CELF2: variants seen among roughly 807,000 people sequenced by gnomAD.
CELF2 encodes CUGBP Elav-like family member 2.
CELF2 carries 8 observed loss-of-function variants against 62.6 expected under a neutral mutation model. The ratio of observed to expected loss-of-function variants is 0.13; its 90% CI spans 0.07 to 0.23. The LOEUF (loss-of-function observed/expected upper bound fraction) is 0.23, where lower values mean the gene tolerates loss of function less well. CELF2 is among the 10% of genes least tolerant of loss of function. CELF2 has a pLI of 1.00. For missense variants in CELF2, 333 were observed against 671.0 expected, an observed-to-expected ratio of 0.50 and a Z score of 5.56; for synonymous variants, 258 against 250.0, an observed-to-expected ratio of 1.03 and a Z score of -0.30.
intron 1 of CELF2, among the ~76,000 whole-genome samples, chr10:11,038,383 T>G (rs539567221): frequency 6.6e-6 from 1 of 152,310 alleles, no homozygotes; most frequent in African/African-American, 2.4e-5. Context: ...ATCACCAAGT[T>G]GTACTGGTAG....
intron 4 of CELF2, among the ~76,000 whole-genome samples, chr10:11,254,092 AAAGTT>A: frequency 6.6e-6 from 1 of 152,260 alleles, no homozygotes; most frequent in Non-Finnish European, 1.5e-5. Context: ...AGTTGATAAA[AAAGTT>A]AAGTGAACTC....
rs1256928513 is a variant in CELF2, at chr10:10,993,190, T to G, written c.89+73191T>G. Among the ~76,000 whole-genome samples the G allele has an allele frequency of 1.3e-5, 2 of 152,104 alleles. No individual in the cohort carries two copies. The highest frequency in any genetic ancestry group is 2.9e-5 in the Non-Finnish European group (2 of 68,006). ...AGCTACAAAATAACTGTTGCTTCCC[T>G]TCTGTCCTTCAGATCTCCCAAGAAT... On this transcript the variant is annotated intron_variant, in intron 2 of 13. Transcript: ENST00000636488. This position sits in a 1 kb window ranked among gnomAD's most constrained non-coding sequence, Gnocchi z 5.3.
At chr10:10,984,772 T>A (rs986499964) in intron 2 of CELF2, among the ~76,000 whole-genome samples, 1 of 152,176 alleles carries the variant, frequency 6.6e-6, no homozygotes, top group Non-Finnish European at 1.5e-5. Context: ...TTTAAAATAT[T>A]ATTTTAATAT....
chr10:11,303,589 G>A lies in CELF2; in HGVS notation c.977-10550G>A, dbSNP rs76940974. On this transcript the variant is annotated intron_variant, in intron 9 of 12. Coordinates refer to ENST00000633077, the MANE Select transcript of CELF2 (RefSeq NM_001326342.2). Reference sequence around the variant, plus strand: ...CCTTCTTGGATTGCCACGCCCATCCGCAGAGGCAGTGTGTGTTACTCCCGT... The same window carrying A: ...CCTTCTTGGATTGCCACGCCCATCCACAGAGGCAGTGTGTGTTACTCCCGT... Among the ~76,000 whole-genome samples the A allele has an allele frequency of 5.8e-4, 88 of 152,292 alleles. No homozygotes were observed. The East Asian group carries it at 5.8e-3, about 10-fold the overall frequency.
the CELF2 span, among the ~76,000 whole-genome samples, chr10:10,680,144 CGTAT>C: frequency 0.27 from 41,401 of 150,600 alleles, 6,107 homozygotes; most frequent in South Asian, 0.5. Context: ...TATGTATGTA[CGTAT>C]GTATGTATGT....
At chr10:10,619,225 T>C in the CELF2 span, among the ~76,000 whole-genome samples, 1 of 152,216 alleles carries the variant, frequency 6.6e-6, no homozygotes, top group Non-Finnish European at 1.5e-5. Context: ...AAATGATTTG[T>C]GGGCTGCTTT....
At chr10:10,992,636 G>A (rs921764215) in intron 2 of CELF2, among the ~76,000 whole-genome samples, 2 of 152,216 alleles carry the variant, frequency 1.3e-5, no homozygotes, top group Non-Finnish European at 2.9e-5. Flanking sequence ...TATTTCAGAA[G>A]AGGGTGTATT....
chr10:10,978,041 GT>G (rs71511370), intron 2 of CELF2, among the ~76,000 whole-genome samples: 10 of 144,046 alleles, frequency 6.9e-5, no homozygotes, highest in East Asian at 4.0e-4. Flanking sequence ...TTTGTTTTTT[GT>G]TTTTTTTTTT....
Position 11,247,049 on chromosome 10 carries a change from G to T in CELF2, c.355-2104G>T, listed in dbSNP as rs1266450571. ...CCCACAACCAGCCAGTCGCCATGAAGTTCAGCCTCCACCAGTGTTCCCTGG... is the reference window on the plus strand; with the variant it reads ...CCCACAACCAGCCAGTCGCCATGAATTTCAGCCTCCACCAGTGTTCCCTGG... On this transcript the variant is annotated intron_variant, in intron 3 of 12. Transcript: ENST00000633077. This position sits in a 1 kb window ranked among gnomAD's most constrained non-coding sequence, Gnocchi z 5.4. Among the ~76,000 whole-genome samples, 1 of 152,170 alleles carries T rather than the reference G, an allele frequency of 6.6e-6. No homozygotes were observed. The highest frequency in any genetic ancestry group is 1.5e-5 in the Non-Finnish European group (1 of 68,016).
chr10:10,976,318 G>A (rs938860877), intron 2 of CELF2, among the ~76,000 whole-genome samples: 7 of 152,224 alleles, frequency 4.6e-5, no homozygotes, highest in Non-Finnish European at 1.0e-4. Flanking sequence ...AAGTTACACA[G>A]TGGGTGATTT....
intron 2 of CELF2, among the ~76,000 whole-genome samples, chr10:10,945,530 G>A (rs964133619): frequency 3.9e-5 from 6 of 152,184 alleles, no homozygotes; most frequent in African/African-American, 7.2e-5. Flanking sequence ...GAGACAAGCC[G>A]AGAACTACCT....
At chr10:11,118,751 T>G (rs1228885452) in intron 1 of CELF2, among the ~76,000 whole-genome samples, 1 of 152,160 alleles carries the variant, frequency 6.6e-6, no homozygotes, top group Admixed American at 6.5e-5. Context: ...TGTACAAGGA[T>G]GAGAAAATCA....
At chr10:11,021,059 T>G (rs1234356062) in intron 1 of CELF2, among the ~76,000 whole-genome samples, 2 of 152,226 alleles carry the variant, frequency 1.3e-5, no homozygotes, top group African/African-American at 4.8e-5. Context: ...ACAGTTGATT[T>G]TCAATTAAGA....
At position 11,297,270 on chromosome 10, in the gene CELF2, T is replaced by C. The variant is rs2093290869; in HGVS notation, c.976+8718T>C. On this transcript the variant is annotated intron_variant, in intron 9 of 12. Transcript: ENST00000633077. The surrounding 1 kb of genome is among the most constrained non-coding windows in gnomAD (Gnocchi z 4.4). ...TTCCGTGAAATGTGTCCAGCAGCAGTTGGATGTGTGACCATCAGGCTGACC... is the reference window on the plus strand; with the variant it reads ...TTCCGTGAAATGTGTCCAGCAGCAGCTGGATGTGTGACCATCAGGCTGACC... Among the ~76,000 whole-genome samples, 1 of 152,080 alleles carries C rather than the reference T, an allele frequency of 6.6e-6. No homozygotes were observed. Among genetic ancestry groups the C allele is most frequent in the Admixed American group, 6.5e-5 (1 of 15,268 alleles).
chr10:10,694,802 A>G, the CELF2 span, among the ~76,000 whole-genome samples: 1 of 151,698 alleles, frequency 6.6e-6, no homozygotes, highest in Non-Finnish European at 1.5e-5. Flanking sequence ...TTGTTGGTTT[A>G]AAGTCTGTTT....
At chr10:10,771,192 C>T in the CELF2 span, among the ~76,000 whole-genome samples, 1 of 152,162 alleles carries the variant, frequency 6.6e-6, no homozygotes, top group Admixed American at 6.5e-5. Flanking sequence ...TGCAATATCC[C>T]TAGGCAGCCA....
Position 11,005,399 on chromosome 10 carries a change from C to G in CELF2, c.12C>G (p.Pro4=), listed in dbSNP as rs895446521. ...ATCAGTATAGAAGCATGCGCTGTCC[C>G]AAATCCGCTGTTACTATGAGAAATG... The change falls in exon 1 of 13, where the codon CCC becomes CCG. Residue 4 remains proline (P), a synonymous_variant. Coordinates refer to the CELF2 transcript ENST00000416382. This position sits in a 1 kb window ranked among gnomAD's most constrained non-coding sequence, Gnocchi z 4.3. 3 of 1,613,804 alleles carry G rather than the reference C, an allele frequency of 1.9e-6. No homozygotes were observed. The highest frequency in any genetic ancestry group is 2.7e-5 in the African/African-American group (2 of 74,904).
chr10:11,283,820 G>GTGGGTGGATGA (rs1190750214), intron 8 of CELF2, among the ~76,000 whole-genome samples: 25 of 151,744 alleles, frequency 1.6e-4, no homozygotes, highest in Non-Finnish European at 3.1e-4. Context: ...TGGGTGGATG[G>GTGGGTGGATGA]TGGGTGGATG....
Position 11,329,131 on chromosome 10 carries a change from A to G in CELF2, c.*78A>G. ...CACGAGCCAGCCTGTCTCAACAGGG[A>G]AGGCAGAGGAGGACCACATTGCCAA... On this transcript the variant is annotated 3_prime_UTR_variant, in exon 13 of 13. Transcript: ENST00000633077. The surrounding 1 kb of genome is among the most constrained non-coding windows in gnomAD (Gnocchi z 5.5). The G allele has an allele frequency of 6.9e-7, 1 of 1,448,186 alleles. No individual in the cohort carries two copies. The highest frequency in any genetic ancestry group is 9.3e-7 in the Non-Finnish European group (1 of 1,079,892). The allele number at this position is 1,448,186 out of a possible 1,614,324, so 89.7% of individuals were successfully genotyped here. A position where few individuals can be genotyped will look rare whatever the true frequency, so the allele number is the denominator to read the frequency against.
Sources: gnomAD v4.1 joint callset for allele counts (sites outside exome capture counted in the v4.1 genomes callset) on GRCh38, gnomAD v4.1.1 for gene constraint, Gnocchi (gnomAD v3.1) non-coding constraint, MANE v1.5 for transcripts, NCBI Gene and HGNC (gene_info 2026-07-23, HGNC 2026-07-21) for gene names.